The following SYNPO2 variants were observed in gnomAD, a reference collection of about 807,000 sequenced individuals.
The protein encoded by SYNPO2 is synaptopodin 2.
A neutral mutation model predicts 85.0 loss-of-function variants in SYNPO2; 56 were observed. The observed-to-expected ratio is 0.66, with a 90% confidence interval of 0.53 to 0.82. SYNPO2 has a LOEUF of 0.82. SYNPO2 is among the 40% of genes least tolerant of loss of function. The pLI is 0.00. For missense variants in SYNPO2, 1,575 were observed against 1,534.2 expected (o/e 1.03, Z -0.44); for synonymous variants, 602 against 591.1 (o/e 1.02, Z -0.27).
intron 1 of SYNPO2, among the ~76,000 whole-genome samples, chr4:118,991,943 G>A (rs780091282): frequency 2.0e-5 from 3 of 152,280 alleles, no homozygotes; most frequent in South Asian, 4.1e-4. Flanking sequence ...AATGGAGTTC[G>A]ACTGGAAAGG....
At chr4:119,007,502 C>G (rs1305498864) in intron 1 of SYNPO2, among the ~76,000 whole-genome samples, 1 of 151,216 alleles carries the variant, frequency 6.6e-6, no homozygotes, top group Non-Finnish European at 1.5e-5. Flanking sequence ...AGATTTATGT[C>G]TATAAGCCTT....
chr4:119,018,500 T>G (rs1737600394), intron 1 of SYNPO2, among the ~76,000 whole-genome samples: 1 of 152,158 alleles, frequency 6.6e-6, no homozygotes, highest in Admixed American at 6.5e-5. Flanking sequence ...TTTAATTTTC[T>G]GAGGAACCTC....
At chr4:118,976,352 G>GATCTTCGCGGTGAGTGTTAC (rs1735735661) in intron 1 of SYNPO2, among the ~76,000 whole-genome samples, 1 of 152,100 alleles carries the variant, frequency 6.6e-6, no homozygotes, top group Non-Finnish European at 1.5e-5. Context: ...TGAAGCTGCA[G>GATCTTCGCGGTGAGTGTTAC]ATCTTCGCGG....
chr4:118,882,942 T>G (rs1437509809), intron 1 of SYNPO2, among the ~76,000 whole-genome samples: 1 of 152,142 alleles, frequency 6.6e-6, no homozygotes, highest in African/African-American at 2.4e-5. Context: ...TTTTGTATTT[T>G]TAGTGAGACG....
At chr4:118,863,104 C>T (rs751063685) in intron 1 of SYNPO2, among the ~76,000 whole-genome samples, 1 of 152,122 alleles carries the variant, frequency 6.6e-6, no homozygotes, top group South Asian at 2.1e-4. Flanking sequence ...CCCCTGCACC[C>T]GGACTTTTTC....
chr4:118,960,822 C>T (rs1390042358), intron 1 of SYNPO2, among the ~76,000 whole-genome samples: 2 of 152,146 alleles, frequency 1.3e-5, no homozygotes, highest in South Asian at 2.1e-4. Context: ...ATACTTGATT[C>T]TTTCCTTCTT....
chr4:118,993,377 C>A (rs1409450005), intron 1 of SYNPO2, among the ~76,000 whole-genome samples: 1 of 152,122 alleles, frequency 6.6e-6, no homozygotes, highest in Non-Finnish European at 1.5e-5. Context: ...ATTTGGAAAC[C>A]TTTTCCTATA....
At chr4:118,982,045 C>T (rs1327856945) in intron 1 of SYNPO2, among the ~76,000 whole-genome samples, 59 of 152,210 alleles carry the variant, frequency 3.9e-4, no homozygotes, top group Non-Finnish European at 8.8e-5. Flanking sequence ...GCGTGGGTGT[C>T]ACAGGCACAT....
intron 1 of SYNPO2, among the ~76,000 whole-genome samples, chr4:118,933,800 G>A (rs931448): frequency 0.82 from 119,724 of 146,460 alleles, 49,881 homozygotes; most frequent in South Asian, 0.94. Context: ...TTTCTAGATT[G>A]GTCATAGCTG....
exon 1 of SYNPO2, chr4:118,850,905 C>A: frequency 2.5e-6 from 1 of 398,694 alleles, no homozygotes; most frequent in Non-Finnish European, 4.4e-6. Flanking sequence ...AAAAGCCTCC[C>A]ACAAAAGAGA....
chr4:118,996,945 T>C (rs1251767170), intron 1 of SYNPO2, among the ~76,000 whole-genome samples: 2 of 147,280 alleles, frequency 1.4e-5, no homozygotes, highest in African/African-American at 5.0e-5. Flanking sequence ...TTGACAAAAA[T>C]TTAAAAGAAA....
At chr4:118,917,425 A>C (rs546194775) in intron 1 of SYNPO2, among the ~76,000 whole-genome samples, 137 of 152,240 alleles carry the variant, frequency 9.0e-4, no homozygotes, top group African/African-American at 3.2e-3. Context: ...AAACAAAAAA[A>C]ACAAAGAAAC....
upstream of SYNPO2, among the ~76,000 whole-genome samples, chr4:118,884,362 A>G (rs1732163236): frequency 6.6e-6 from 1 of 152,244 alleles, no homozygotes; most frequent in Admixed American, 6.5e-5. Context: ...ATCAGTATCC[A>G]TGGAGAAGAG....
At chr4:119,038,508 C>T (rs1178129183) in intron 4 of SYNPO2, 2 of 982,344 alleles carry the variant, frequency 2.0e-6, no homozygotes, top group Non-Finnish European at 2.4e-6. Flanking sequence ...CATAATCAAA[C>T]TCTGCATAAA....
chr4:119,029,944 A>G lies in SYNPO2; in HGVS notation c.1169A>G (p.Asn390Ser), dbSNP rs921199264. The G allele has an allele frequency of 9.9e-6, 16 of 1,613,664 alleles. No individual in the cohort carries two copies. The Admixed American group carries it at 1.3e-4, about 13-fold the overall frequency. ...CTTCTAACGGATGCTCCCAACCCCAACTCCAAGGGGGTGTTGATGTTTAAG... is the reference window on the plus strand; with the variant it reads ...CTTCTAACGGATGCTCCCAACCCCAGCTCCAAGGGGGTGTTGATGTTTAAG... ...ALLLTDAPNP[N>S]SKGVLMFKKR... The change falls in exon 4 of 5, where the codon AAC becomes AGC. Residue 390 changes from asparagine to serine, a missense_variant. Coordinates refer to ENST00000307142, the MANE Select transcript of SYNPO2 (RefSeq NM_133477.3).
At chr4:119,027,895 A>AC (rs1738039405) in intron 3 of SYNPO2, among the ~76,000 whole-genome samples, 2 of 151,780 alleles carry the variant, frequency 1.3e-5, no homozygotes, top group Admixed American at 6.6e-5. Flanking sequence ...TGTTTTGAAA[A>AC]AAAATCATTG....
intron 1 of SYNPO2, among the ~76,000 whole-genome samples, chr4:118,938,517 G>C (rs904459290): frequency 1.2e-4 from 18 of 152,054 alleles, no homozygotes; most frequent in African/African-American, 4.3e-4. Flanking sequence ...CATATTGTAG[G>C]CAAAAGTCAG....
intron 4 of SYNPO2, among the ~76,000 whole-genome samples, chr4:119,055,283 C>A (rs1739175645): frequency 6.6e-6 from 1 of 152,102 alleles, no homozygotes; most frequent in Non-Finnish European, 1.5e-5. Context: ...TCCTGAGTAG[C>A]AGGGATTACA....
At position 118,973,228 on chromosome 4, in the gene SYNPO2, T is replaced by A. The variant is rs371635202; in HGVS notation, c.106-50202T>A. ...TATATGAATTCCATCAATTATAGAA[T>A]TATTAATTCAAGGATTCTATTATAC... On this transcript the variant is annotated intron_variant, in intron 1 of 4. Transcript: ENST00000307142. Among the ~76,000 whole-genome samples the A allele has an allele frequency of 4.2e-4, 64 of 152,328 alleles. 1 individual carries two copies. The highest frequency in any genetic ancestry group is 2.9e-3 in the South Asian group (14 of 4,826).
Sources: gnomAD v4.1 joint callset for allele counts (sites outside exome capture counted in the v4.1 genomes callset) on GRCh38, gnomAD v4.1.1 for gene constraint, MANE v1.5 for transcripts, NCBI Gene and HGNC (gene_info 2026-07-23, HGNC 2026-07-21) for gene names.